The following EHBP1 variants were observed in gnomAD, a reference collection of about 807,000 sequenced individuals.
EHBP1 encodes EH domain binding protein 1.
Under a neutral mutation model 144.0 loss-of-function variants are expected in EHBP1, and 55 were observed. The ratio of observed to expected loss-of-function variants is 0.38; its 90% CI spans 0.31 to 0.48. EHBP1 has a LOEUF of 0.48. Among genes scored for constraint, EHBP1 ranks in the 20% least tolerant of loss-of-function variants. The pLI is 0.98. For synonymous variants in EHBP1, 469 were observed against 472.7 expected (o/e 0.99, Z 0.10); for missense variants, 1,200 against 1,364.2 (o/e 0.88, Z 1.90).
At chr2:62,934,159 T>G (rs2056207211) in intron 10 of EHBP1, among the ~76,000 whole-genome samples, 1 of 152,200 alleles carries the variant, frequency 6.6e-6, no homozygotes, top group South Asian at 2.1e-4. Flanking sequence ...ATGCCAAACT[T>G]TTTTCATCAG....
At chr2:63,015,078 G>A (rs920979399) in intron 19 of EHBP1, among the ~76,000 whole-genome samples, 8 of 152,100 alleles carry the variant, frequency 5.3e-5, no homozygotes, top group East Asian at 1.9e-4. Flanking sequence ...AACTCTTTCC[G>A]AATTTTATAT....
chr2:62,904,476 A>G (rs1351451864), intron 10 of EHBP1, among the ~76,000 whole-genome samples: 1 of 152,220 alleles, frequency 6.6e-6, no homozygotes, highest in Admixed American at 6.5e-5. Context: ...AGTTTGCCCA[A>G]GGTTACCCCA....
At chr2:62,727,695 C>A (rs2036965143) in intron 2 of EHBP1, among the ~76,000 whole-genome samples, 1 of 152,186 alleles carries the variant, frequency 6.6e-6, no homozygotes, top group African/African-American at 2.4e-5. Flanking sequence ...ACCCATTCAT[C>A]AGTTGATGAA....
Position 62,879,590 on chromosome 2 carries a change from C to CACACACACAGAGAG in EHBP1, c.1185+5059_1185+5060insCACACACAGAGAGA, listed in dbSNP as rs1453595274. ...ACACACACACACACACACACACACA[C>CACACACACAGAGAG]AGAGACAGAGAGAGAGAGAGAGGGA... On this transcript the variant is annotated intron_variant, in intron 10 of 22. Coordinates refer to ENST00000431489, the MANE Select transcript of EHBP1 (RefSeq NM_001142616.3). 3.6e-5 allele frequency among the ~76,000 whole-genome samples: 5 copies of CACACACACAGAGAG among 139,202 alleles called. No homozygotes were observed. In the East Asian group the frequency reaches 1.0e-3, roughly 29 times the overall value. The allele number at this position is 139,202 out of a possible 152,430, so 91.3% of individuals were successfully genotyped here.
chr2:62,755,988 C>G (rs898871711), intron 3 of EHBP1, among the ~76,000 whole-genome samples: 1 of 151,748 alleles, frequency 6.6e-6, no homozygotes, highest in African/African-American at 2.4e-5. Flanking sequence ...ATTAAGAATA[C>G]CCTGGCTGGT....
chr2:62,856,218 C>T (rs767573680), intron 7 of EHBP1, among the ~76,000 whole-genome samples: 2 of 152,198 alleles, frequency 1.3e-5, no homozygotes, highest in Non-Finnish European at 2.9e-5. Flanking sequence ...GAAACATGCC[C>T]CTTGCTCACC....
intron 10 of EHBP1, among the ~76,000 whole-genome samples, chr2:62,937,272 T>C (rs1235662501): frequency 1.3e-5 from 2 of 152,218 alleles, no homozygotes; most frequent in East Asian, 3.8e-4. Flanking sequence ...GCACAGGCTT[T>C]GGAGTGGGAA....
At chr2:62,969,792 C>G (rs1401139228) in intron 14 of EHBP1, among the ~76,000 whole-genome samples, 1 of 152,068 alleles carries the variant, frequency 6.6e-6, no homozygotes, top group East Asian at 1.9e-4. Flanking sequence ...GTTAGAGAAG[C>G]AGAGATCAGG....
intron 2 of EHBP1, among the ~76,000 whole-genome samples, chr2:62,712,178 A>C (rs2035207504): frequency 6.6e-6 from 1 of 152,218 alleles, no homozygotes; most frequent in African/African-American, 2.4e-5. Flanking sequence ...ACACAAGTGG[A>C]AACGTTGAAC....
intron 12 of EHBP1, among the ~76,000 whole-genome samples, chr2:62,944,560 A>G (rs550907277): frequency 6.6e-6 from 1 of 152,356 alleles, no homozygotes; most frequent in South Asian, 2.1e-4. Context: ...CACAACAACA[A>G]AATCTCCTGA....
rs181554956 is a variant in EHBP1 at position 62,976,426 on chromosome 2, C to T, written c.2461-2762C>T. Among the ~76,000 whole-genome samples the T allele has an allele frequency of 2.3e-3, 356 of 152,284 alleles. 3 individuals carry two copies. Among genetic ancestry groups the T allele is most frequent in the Middle Eastern group, 0.017 (5 of 294 alleles). The stretch of plus-strand genomic sequence containing the variant: ...TTGTTTTGTTTTTTAAGGCAACAGA[C>T]TATTTAATGTGGTTTAAAATACATC... On this transcript the variant is annotated intron_variant, in intron 14 of 22. Transcript: ENST00000431489.
At chr2:62,720,618 A>G (rs1357582433) in intron 2 of EHBP1, among the ~76,000 whole-genome samples, 3 of 152,216 alleles carry the variant, frequency 2.0e-5, no homozygotes, top group Non-Finnish European at 4.4e-5. Flanking sequence ...CTTTAATTTG[A>G]AGAGTACTCT....
At chr2:62,722,186 G>A (rs2036294451) in intron 2 of EHBP1, among the ~76,000 whole-genome samples, 1 of 151,816 alleles carries the variant, frequency 6.6e-6, no homozygotes, top group Non-Finnish European at 1.5e-5. Context: ...CTGGAGTGCA[G>A]TGGCGTGTGA....
intron 2 of EHBP1, among the ~76,000 whole-genome samples, chr2:62,740,604 A>AAG (rs1291786860): frequency 3.9e-5 from 6 of 152,162 alleles, no homozygotes; most frequent in Admixed American, 3.9e-4. Flanking sequence ...TTTTCCCTAA[A>AAG]AGAAATAACC....
intron 10 of EHBP1, among the ~76,000 whole-genome samples, chr2:62,879,585 A>ACACACG (rs2051205000): frequency 6.6e-6 from 1 of 151,380 alleles, no homozygotes; most frequent in Non-Finnish European, 1.5e-5. Flanking sequence ...ACACACACAC[A>ACACACG]CACACAGAGA....
chr2:62,963,547 G>A (rs1224918881), intron 14 of EHBP1, among the ~76,000 whole-genome samples: 3 of 151,974 alleles, frequency 2.0e-5, no homozygotes, highest in Non-Finnish European at 4.4e-5. Flanking sequence ...GGCTGTGTTA[G>A]TTAAATAGAT....
chr2:63,004,353 A>G (rs974632754), intron 19 of EHBP1, among the ~76,000 whole-genome samples: 7 of 152,066 alleles, frequency 4.6e-5, no homozygotes, highest in Non-Finnish European at 1.0e-4. Flanking sequence ...TTTTAACTAC[A>G]TCTTAAGAAA....
intron 2 of EHBP1, among the ~76,000 whole-genome samples, chr2:62,713,294 C>T (rs890359476): frequency 6.6e-6 from 1 of 151,026 alleles, no homozygotes; most frequent in Non-Finnish European, 1.5e-5. Flanking sequence ...ACTCTGTTGC[C>T]CAGGGTGGAG....
At chr2:63,002,339 A>C (rs2059882502) in intron 19 of EHBP1, among the ~76,000 whole-genome samples, 1 of 152,150 alleles carries the variant, frequency 6.6e-6, no homozygotes. Flanking sequence ...ATGACAGTAG[A>C]TATATATGTA....
Sources: gnomAD v4.1 joint callset for allele counts (sites outside exome capture counted in the v4.1 genomes callset) on GRCh38, gnomAD v4.1.1 for gene constraint, MANE v1.5 for transcripts, NCBI Gene and HGNC (gene_info 2026-07-23, HGNC 2026-07-21) for gene names.